The following GRID2 variants were observed in gnomAD, a reference collection of about 807,000 sequenced individuals.
The protein encoded by GRID2 is glutamate receptor ionotropic, delta-2.
A neutral mutation model predicts 114.8 loss-of-function variants in GRID2; 33 were observed. The ratio of observed to expected loss-of-function variants is 0.29; its 90% CI spans 0.22 to 0.38. The LOEUF (loss-of-function observed/expected upper bound fraction) is 0.38. GRID2 is among the 10% of genes least tolerant of loss of function. The probability of loss-of-function intolerance (pLI) is 1.00; values close to 1 mark genes in which losing one functional copy is unlikely to be tolerated. For synonymous variants in GRID2, 505 were observed against 449.9 expected (o/e 1.12, Z -1.55); for missense variants, 1,184 against 1,257.7 (o/e 0.94, Z 0.89).
chr4:93,786,863 G>A (rs182850334), intron 1 of GRID2, among the ~76,000 whole-genome samples: 1 of 152,112 alleles, frequency 6.6e-6, no homozygotes, highest in Non-Finnish European at 1.5e-5. Flanking sequence ...GACAGACTTG[G>A]ATTTAACAGA....
intron 2 of GRID2, among the ~76,000 whole-genome samples, chr4:92,595,891 G>T (rs898785077): frequency 6.6e-6 from 1 of 152,078 alleles, no homozygotes; most frequent in Non-Finnish European, 1.5e-5. Flanking sequence ...CAAAGAAGAT[G>T]TAAATAGAAT....
chr4:93,280,063 A>G (rs377086067), intron 8 of GRID2, among the ~76,000 whole-genome samples: 97 of 152,038 alleles, frequency 6.4e-4, no homozygotes, highest in Admixed American at 3.4e-3. Flanking sequence ...CAAGCAAAAA[A>G]TGGTGAGTGC....
At chr4:93,194,476 G>C (rs916410743) in intron 4 of GRID2, among the ~76,000 whole-genome samples, 1 of 152,034 alleles carries the variant, frequency 6.6e-6, no homozygotes, top group African/African-American at 2.4e-5. Flanking sequence ...TCTATGGAAA[G>C]ATGCATGTCT....
chr4:92,826,697 C>A (rs1429690852), intron 2 of GRID2, among the ~76,000 whole-genome samples: 1 of 152,102 alleles, frequency 6.6e-6, no homozygotes, highest in East Asian at 1.9e-4. Flanking sequence ...TTATAATTAT[C>A]TGTATAAGAT....
At chr4:93,696,023 A>T (rs1726988941) in intron 14 of GRID2, among the ~76,000 whole-genome samples, 1 of 152,248 alleles carries the variant, frequency 6.6e-6, no homozygotes, top group Admixed American at 6.5e-5. Context: ...ACGTATTTAC[A>T]CACTGCTTAA....
At chr4:92,613,807 T>C (rs1729869885) in intron 2 of GRID2, among the ~76,000 whole-genome samples, 1 of 151,486 alleles carries the variant, frequency 6.6e-6, no homozygotes, top group Non-Finnish European at 1.5e-5. Flanking sequence ...TTGATTGTAG[T>C]GATTTTTCTC....
rs189428156 is a variant in GRID2 at position 92,314,965 on chromosome 4, T to C, written c.88+10221T>C. 7.3e-3 allele frequency among the ~76,000 whole-genome samples: 1,105 copies of C among 152,274 alleles called. 7 individuals are homozygous for C. Among genetic ancestry groups the C allele is most frequent in the Middle Eastern group, 0.031 (9 of 294 alleles). The stretch of plus-strand genomic sequence containing the variant: ...TGTGACACATTTAAATATTTCCTTT[T>C]ATGGATCTTTTACTTATTTGTGCTA... On this transcript the variant is annotated intron_variant, in intron 1 of 15. Coordinates refer to ENST00000282020, the MANE Select transcript of GRID2 (RefSeq NM_001510.4).
At chr4:92,711,114 T>C (rs1735222990) in intron 2 of GRID2, among the ~76,000 whole-genome samples, 1 of 152,210 alleles carries the variant, frequency 6.6e-6, no homozygotes, top group East Asian at 1.9e-4. Context: ...TTATACTTTG[T>C]ACTATTTTTT....
intron 4 of GRID2, among the ~76,000 whole-genome samples, chr4:93,197,976 AT>A (rs769041253): frequency 2.0e-4 from 31 of 152,256 alleles, no homozygotes; most frequent in South Asian, 6.2e-4. Flanking sequence ...TTTAATTAAA[AT>A]TTTTTCTAAT....
intron 14 of GRID2, among the ~76,000 whole-genome samples, chr4:93,725,298 T>A (rs965544410): frequency 7.2e-5 from 11 of 152,254 alleles, no homozygotes; most frequent in African/African-American, 2.6e-4. Context: ...CCATGTCCCT[T>A]CAAAGAACAT....
In GRID2 at chr4:93,216,779, A is replaced by C; in HGVS notation, c.831A>C (p.Ser277=). 6.2e-7 allele frequency: 1 copy of C among 1,612,516 alleles called. No homozygotes were observed. The highest frequency in any genetic ancestry group is 8.5e-7 in the Non-Finnish European group (1 of 1,178,622). ...ACGTACAGGAACTTGTAAGAAGGTC[A>C]ATTGGAAGGTTAACGATTATTCGGC... ...DVDVQELVRR[S]IGRLTIIRQT... Residue 277 remains serine (S), a synonymous_variant, in exon 6 of 16, where the codon TCA becomes TCC. Coordinates refer to ENST00000282020, the MANE Select transcript of GRID2 (RefSeq NM_001510.4).
intron 8 of GRID2, among the ~76,000 whole-genome samples, chr4:93,238,905 A>G (rs899122667): frequency 4.0e-5 from 6 of 151,460 alleles, no homozygotes; most frequent in Non-Finnish European, 8.9e-5. Context: ...AAGATGTGAC[A>G]TTACAGTATT....
At chr4:93,221,426 T>C (rs1040056015) in intron 6 of GRID2, among the ~76,000 whole-genome samples, 1 of 152,096 alleles carries the variant, frequency 6.6e-6, no homozygotes, top group Non-Finnish European at 1.5e-5. Context: ...ATAAGTGTAG[T>C]GCCAGTAAGG....
intron 1 of GRID2, among the ~76,000 whole-genome samples, chr4:92,433,216 G>A (rs1424474899): frequency 6.6e-6 from 1 of 152,272 alleles, no homozygotes; most frequent in Non-Finnish European, 1.5e-5. Flanking sequence ...ATGGGGTTGG[G>A]GGAGGGTGAC....
rs1025111111 is a variant in GRID2, at chr4:92,440,220, T to G, written c.88+135476T>G. Reference sequence around the variant, plus strand: ...CTACTTTTCTTGAAGACGGAGGACCTTAAGGGATATAAAGGTTTCACTGAA... The same window carrying G: ...CTACTTTTCTTGAAGACGGAGGACCGTAAGGGATATAAAGGTTTCACTGAA... On this transcript the variant is annotated intron_variant, in intron 1 of 15. Transcript: ENST00000282020. Among the ~76,000 whole-genome samples, 1,181 of 142,424 alleles carry G rather than the reference T, an allele frequency of 8.3e-3. 60 individuals carry two copies. Among genetic ancestry groups the G allele is most frequent in the African/African-American group, 0.028 (1,112 of 40,004 alleles). The allele number at this position is 142,424 out of a possible 152,430, so 93.4% of individuals were successfully genotyped here. A position where few individuals can be genotyped will look rare whatever the true frequency, so the allele number is the denominator to read the frequency against.
In GRID2 at chr4:92,868,062, TTCTTTCTGTCTGTCTG is replaced by T. The variant is rs1400081722; in HGVS notation, c.245-216929_245-216914del. ...TTTCTTTCTTTCTTTCTTTCTTTCT[TTCTTTCTGTCTGTCTG>T]TCTGTCTGTCTTTCTTTCTTTCTCT... is the stretch of plus-strand genomic sequence containing the variant. On this transcript the variant is annotated intron_variant, in intron 2 of 15. Transcript: ENST00000282020. 3.4e-3 allele frequency among the ~76,000 whole-genome samples: 403 copies of T among 119,762 alleles called. 1 individual carries two copies. The highest frequency in any genetic ancestry group is 6.9e-3 in the African/African-American group (234 of 34,012). The allele number at this position is 119,762 out of a possible 152,430, so 78.6% of individuals were successfully genotyped here. A position where few individuals can be genotyped will look rare whatever the true frequency, so the allele number is the denominator to read the frequency against.
chr4:92,686,001 T>C (rs1733880466), intron 2 of GRID2, among the ~76,000 whole-genome samples: 1 of 152,042 alleles, frequency 6.6e-6, no homozygotes, highest in African/African-American at 2.4e-5. Context: ...ATTGGTATCT[T>C]ATAATTAGAA....
intron 4 of GRID2, among the ~76,000 whole-genome samples, chr4:93,198,779 C>G (rs1270083125): frequency 1.3e-5 from 2 of 152,108 alleles, no homozygotes; most frequent in African/African-American, 2.4e-5. Flanking sequence ...AAGTCCACAG[C>G]TGTGGAGAGC....
At chr4:92,333,659 A>G (rs1727013016) in intron 1 of GRID2, among the ~76,000 whole-genome samples, 3 of 152,264 alleles carry the variant, frequency 2.0e-5, no homozygotes, top group African/African-American at 7.2e-5. Flanking sequence ...CTTACTATAC[A>G]TGGTTAAAAC....
Sources: allele counts gnomAD v4.1 joint callset (sites outside exome capture counted in the v4.1 genomes callset), GRCh38; gene constraint gnomAD v4.1.1; transcripts MANE v1.5; gene names NCBI Gene and HGNC (gene_info 2026-07-23, HGNC 2026-07-21).